Variants in PHACTR1 observed in about 807,000 individuals in gnomAD.
The protein encoded by PHACTR1 is RPEL repeat containing 1.
In PHACTR1, 16 loss-of-function variants were observed where a neutral mutation model predicts 69.2. That is an observed-to-expected ratio of 0.23 (90% CI 0.16 to 0.35). The LOEUF is 0.35. PHACTR1 is among the 10% of genes least tolerant of loss of function. The pLI is 1.00. For synonymous variants in PHACTR1, 312 were observed against 284.5 expected (o/e 1.10, Z -0.97); for missense variants, 510 against 734.7 (o/e 0.69, Z 3.54).
At position 13,003,976 on chromosome 6, in the gene PHACTR1, TATAC is replaced by T. The variant is rs1196073297; in HGVS notation, c.251-49387_251-49384del. ...CTATATATATATATGTATATATATA[TATAC>T]ACATATATATATATCACATTTTCTT... On this transcript the variant is annotated intron_variant, in intron 4 of 14. Transcript: ENST00000332995. 3.3e-4 allele frequency among the ~76,000 whole-genome samples: 44 copies of T among 131,848 alleles called. 3 individuals carry two copies. Among genetic ancestry groups the T allele is most frequent in the African/African-American group, 1.0e-3 (32 of 30,688 alleles). 86.5% of individuals were successfully genotyped at this position (131,848 alleles called of 152,430 possible).
chr6:12,772,063 A>G (rs1769455776), intron 4 of PHACTR1, among the ~76,000 whole-genome samples: 1 of 152,210 alleles, frequency 6.6e-6, no homozygotes, highest in Non-Finnish European at 1.5e-5. Flanking sequence ...TAGAGGCACT[A>G]AAAGTTGATT....
chr6:12,894,858 A>G (rs543711277), intron 4 of PHACTR1, among the ~76,000 whole-genome samples: 1 of 152,348 alleles, frequency 6.6e-6, no homozygotes, highest in African/African-American at 2.4e-5. Context: ...TTCATCACAC[A>G]GATCTTGATT....
At chr6:13,101,632 G>A (rs1173465493) in intron 5 of PHACTR1, among the ~76,000 whole-genome samples, 2 of 152,208 alleles carry the variant, frequency 1.3e-5, no homozygotes, top group East Asian at 3.8e-4. Context: ...TGGTCAGAAC[G>A]TGGTGGATAT....
Position 12,986,022 on chromosome 6 carries a change from G to A in PHACTR1, c.251-67343G>A, listed in dbSNP as rs149810373. On this transcript the variant is annotated intron_variant, in intron 4 of 14. Coordinates refer to ENST00000332995, the MANE Select transcript of PHACTR1 (RefSeq NM_030948.6). ...GGCTAATTTTTGTATTTCTAGTAGA[G>A]AGGGGATTTCACCATGTTAGCCAGG... Among the ~76,000 whole-genome samples, 1,166 of 152,192 alleles carry A rather than the reference G, an allele frequency of 7.7e-3. 16 individuals carry two copies. The highest frequency in any genetic ancestry group is 0.026 in the African/African-American group (1,097 of 41,540).
At chr6:13,206,901 A>G (rs1327504154) in intron 8 of PHACTR1, among the ~76,000 whole-genome samples, 1 of 152,214 alleles carries the variant, frequency 6.6e-6, no homozygotes, top group African/African-American at 2.4e-5. Context: ...TGCAGACTCC[A>G]CACAGACGAT....
rs576967634 is a variant in PHACTR1, at chr6:12,902,598, C to T, written c.251-150767C>T. On this transcript the variant is annotated intron_variant, in intron 4 of 14. Coordinates refer to ENST00000332995, the MANE Select transcript of PHACTR1 (RefSeq NM_030948.6). ...CAACAAACAGTGTCCCAGTTCATCT[C>T]TGTGGTATCACTTTTCTCCACATCT... Among the ~76,000 whole-genome samples, 27 of 152,290 alleles carry T rather than the reference C, an allele frequency of 1.8e-4. 1 individual carries two copies. The South Asian group carries it at 5.4e-3, about 30-fold the overall frequency.
chr6:13,111,691 A>C (rs527296404), intron 5 of PHACTR1, among the ~76,000 whole-genome samples: 1 of 152,318 alleles, frequency 6.6e-6, no homozygotes, highest in South Asian at 2.1e-4. Flanking sequence ...TATATAGTTA[A>C]ATCAATAATG....
At chr6:12,775,910 T>A (rs1770003080) in intron 4 of PHACTR1, among the ~76,000 whole-genome samples, 1 of 152,210 alleles carries the variant, frequency 6.6e-6, no homozygotes, top group African/African-American at 2.4e-5. Flanking sequence ...TTACTTTATT[T>A]AATAATGATT....
chr6:12,755,639 G>A (rs939251067), intron 4 of PHACTR1, among the ~76,000 whole-genome samples: 1 of 151,742 alleles, frequency 6.6e-6, no homozygotes, highest in Non-Finnish European at 1.5e-5. Context: ...GAATATTCAG[G>A]GATTATTCAA....
At chr6:12,808,177 A>G (rs144603167) in intron 4 of PHACTR1, among the ~76,000 whole-genome samples, 2 of 152,324 alleles carry the variant, frequency 1.3e-5, no homozygotes, top group African/African-American at 2.4e-5. Context: ...AAGCACATGA[A>G]CAGAAACCAG....
At chr6:12,739,703 A>G (rs1267895796) in intron 3 of PHACTR1, among the ~76,000 whole-genome samples, 10 of 152,068 alleles carry the variant, frequency 6.6e-5, no homozygotes, top group Non-Finnish European at 1.3e-4. Flanking sequence ...ATGCCCAGCT[A>G]ATGTTTAAAT....
At chr6:12,913,965 CTTTTTTTG>C (rs1010495800) in intron 4 of PHACTR1, among the ~76,000 whole-genome samples, 2 of 152,032 alleles carry the variant, frequency 1.3e-5, no homozygotes, top group African/African-American at 4.8e-5. Flanking sequence ...TTTTCTTTTT[CTTTTTTTG>C]TTTTTTTGTT....
chr6:12,853,230 T>C (rs913478184), intron 4 of PHACTR1, among the ~76,000 whole-genome samples: 7 of 152,152 alleles, frequency 4.6e-5, no homozygotes, highest in African/African-American at 1.7e-4. Flanking sequence ...CTTGAAGAAA[T>C]GGTAAACCTA....
intron 4 of PHACTR1, among the ~76,000 whole-genome samples, chr6:12,949,280 A>AG (rs1791019740): frequency 6.6e-6 from 1 of 150,786 alleles, no homozygotes; most frequent in South Asian, 2.1e-4. Context: ...AAAAAAAAAA[A>AG]AAAAAAAGAA....
intron 4 of PHACTR1, among the ~76,000 whole-genome samples, chr6:12,953,748 T>C (rs773656218): frequency 2.6e-5 from 4 of 152,216 alleles, no homozygotes; most frequent in Non-Finnish European, 5.9e-5. Context: ...TATTGGCTGC[T>C]GTGTAATGAC....
intron 5 of PHACTR1, among the ~76,000 whole-genome samples, chr6:13,073,439 GT>G: frequency 7.2e-6 from 1 of 139,530 alleles, no homozygotes; most frequent in East Asian, 2.4e-4. Context: ...CACCTCTTGG[GT>G]CCAAGTGATT....
At chr6:12,781,868 G>A (rs190090086) in intron 4 of PHACTR1, among the ~76,000 whole-genome samples, 6 of 152,316 alleles carry the variant, frequency 3.9e-5, no homozygotes, top group African/African-American at 7.2e-5. Context: ...GTGAAAGAAT[G>A]CATTTAGCCA....
intron 4 of PHACTR1, among the ~76,000 whole-genome samples, chr6:12,814,685 T>A (rs1245298898): frequency 7.1e-6 from 1 of 139,910 alleles, no homozygotes; most frequent in Admixed American, 7.2e-5. Context: ...CCACCAAATG[T>A]TCTACAAATG....
At chr6:12,898,568 T>C (rs1045439034) in intron 4 of PHACTR1, among the ~76,000 whole-genome samples, 1 of 152,220 alleles carries the variant, frequency 6.6e-6, no homozygotes, top group African/African-American at 2.4e-5. Context: ...GTCTCAGACA[T>C]ATCTGCCTCC....
Sources: allele counts gnomAD v4.1 joint callset (sites outside exome capture counted in the v4.1 genomes callset), GRCh38; gene constraint gnomAD v4.1.1; transcripts MANE v1.5; gene names NCBI Gene and HGNC (gene_info 2026-07-23, HGNC 2026-07-21).